CLIC1: variants seen among roughly 807,000 people sequenced by gnomAD.
CLIC1 encodes CLIC family member 1, also known as chloride intracellular channel protein 1.
Under a neutral mutation model 26.4 loss-of-function variants are expected in CLIC1, and 16 were observed. The observed-to-expected ratio is 0.61, with a 90% confidence interval of 0.41 to 0.92. CLIC1 has a LOEUF of 0.92. Ranked by LOEUF, CLIC1 falls within the 40% of genes least tolerant of loss-of-function variation. The pLI is 0.00. For synonymous variants in CLIC1, 98 were observed against 120.8 expected, an observed-to-expected ratio of 0.81 and a Z score of 1.24; for missense variants, 225 against 289.7, an observed-to-expected ratio of 0.78 and a Z score of 1.62.
rs1314590008 is a variant in CLIC1, at chr6:31,731,122, C to G, written c.565-119G>C. The G allele has an allele frequency of 6.6e-6, 5 of 752,214 alleles. No homozygotes were observed. The East Asian group carries it at 1.5e-4, about 22-fold the overall frequency. 46.6% of individuals were successfully genotyped at this position (752,214 alleles called of 1,614,324 possible). ...TCAACTCCTCACTGTCTTGTACTGT[C>G]GTTAGCCTTCCTTCTCACTTACTGA... is the stretch of plus-strand genomic sequence containing the variant. On this transcript the variant is annotated intron_variant, in intron 5 of 5. Transcript: ENST00000375784.
chr6:31,736,878 A>G (rs762071740), upstream of CLIC1: 43 of 985,568 alleles, frequency 4.4e-5, no homozygotes, highest in Non-Finnish European at 5.2e-5. The surrounding 1 kb of genome is among the most constrained non-coding windows in gnomAD (Gnocchi z 5.0). Context: ...TTTCTTCCAG[A>G]CTCCAATCCA....
chr6:31,736,284 G>T lies in CLIC1; in HGVS notation c.17C>A (p.Pro6Gln). The T allele has an allele frequency of 3.1e-6, 5 of 1,612,516 alleles. No homozygotes were observed. The highest frequency in any genetic ancestry group is 4.2e-6 in the Non-Finnish European group (5 of 1,179,798). Residue 6 changes from proline to glutamine, a missense_variant, in exon 1 of 6, where the codon CCG (proline) becomes CAG (glutamine). By Grantham distance (76) the Pro-to-Gln change is moderately conservative. Coordinates refer to ENST00000375784, the Ensembl canonical transcript of CLIC1. This position sits in a 1 kb window ranked among gnomAD's most constrained non-coding sequence, Gnocchi z 5.0. ...TACCTTCACGAACAATTCGACCTGCGGTTGTTCTTCAGCCATGGTTGCGTC... is the reference window on the plus strand; with the variant it reads ...TACCTTCACGAACAATTCGACCTGCTGTTGTTCTTCAGCCATGGTTGCGTC...
intron 5 of CLIC1, 49 bp from the exon 6 acceptor site, chr6:31,731,052 C>T: frequency 6.4e-7 from 1 of 1,573,338 alleles, no homozygotes; most frequent in Non-Finnish European, 8.7e-7. Flanking sequence ...CCAGGGAAGC[C>T]ACCTTGGCTT....
Position 31,732,301 on chromosome 6 carries a change from T to C in CLIC1, c.480A>G (p.Glu160=). ...CCAAAAACTTCCTCTGAGAGACACC[T>C]TCATCTTCAGCACTGGTTTCATCCA... Residue 160 remains glutamate, a synonymous_variant, in exon 5 of 6, where the codon GAA becomes GAG. Transcript: ENST00000375784. The surrounding 1 kb of genome is among the most constrained non-coding windows in gnomAD (Gnocchi z 5.0). The C allele has an allele frequency of 6.3e-7, 1 of 1,598,820 alleles. No individual in the cohort carries two copies. The highest frequency in any genetic ancestry group is 1.1e-5 in the South Asian group (1 of 87,988).
At chr6:31,731,079 C>T (rs1807900269) in intron 5 of CLIC1, 76 bp from the exon 6 acceptor site, 1 of 1,352,080 alleles carries the variant, frequency 7.4e-7, no homozygotes, top group Non-Finnish European at 1.0e-6. Context: ...CTCCCCAGGC[C>T]GACATGATAA....
At position 31,733,927 on chromosome 6, in the gene CLIC1, C is replaced by G; in HGVS notation, c.184G>C (p.Gly62Arg). Reference sequence around the variant, plus strand: ...CCATACAGCAGGAATGGGAGCTGCCCCCCTGGGCACAGCTTCTGCACTGTC... The same window carrying G: ...CCATACAGCAGGAATGGGAGCTGCCGCCCTGGGCACAGCTTCTGCACTGTC... Residue 62 changes from glycine to arginine, a missense_variant, in exon 3 of 6, where the codon GGG (glycine) becomes CGG (arginine). By Grantham distance (125) the Gly-to-Arg change is moderately radical. Transcript: ENST00000375784. This position sits in a 1 kb window ranked among gnomAD's most constrained non-coding sequence, Gnocchi z 5.4. The G allele has an allele frequency of 6.2e-7, 1 of 1,613,920 alleles. No homozygotes were observed. Among genetic ancestry groups the G allele is most frequent in the Non-Finnish European group, 8.5e-7 (1 of 1,179,988 alleles).
intron 1 of CLIC1, among the ~76,000 whole-genome samples, chr6:31,735,278 G>A (rs746548915): frequency 3.3e-5 from 5 of 151,784 alleles, no homozygotes; most frequent in East Asian, 1.9e-4. Flanking sequence ...AGACACAAAC[G>A]GAGCGGGGAG....
Position 31,730,760 on chromosome 6 carries a change from T to G in CLIC1, c.*82A>C. The G allele has an allele frequency of 1.4e-6, 2 of 1,450,612 alleles. No homozygotes were observed. Among genetic ancestry groups the G allele is most frequent in the East Asian group, 2.3e-5 (1 of 43,478 alleles). 89.9% of individuals were successfully genotyped at this position (1,450,612 alleles called of 1,614,324 possible). A position where few individuals can be genotyped will look rare whatever the true frequency, so the allele number is the denominator to read the frequency against. The stretch of plus-strand genomic sequence containing the variant: ...TCCCTGCCCACTGGCCATTTTGGAG[T>G]GTGTCCATTGGGTAGCAATGTGGAA... On this transcript the variant is annotated 3_prime_UTR_variant, in exon 6 of 6. Transcript: ENST00000375784. The surrounding 1 kb of genome is among the most constrained non-coding windows in gnomAD (Gnocchi z 5.1).
rs1481008792 is a variant in CLIC1 at position 31,734,639 on chromosome 6, G to C, written c.40-376C>G. 1.3e-5 allele frequency among the ~76,000 whole-genome samples: 2 copies of C among 152,202 alleles called. No homozygotes were observed. The highest frequency in any genetic ancestry group is 4.8e-5 in the African/African-American group (2 of 41,448). On this transcript the variant is annotated intron_variant, in intron 1 of 5. Coordinates refer to ENST00000375784, the Ensembl canonical transcript of CLIC1. The surrounding 1 kb of genome is among the most constrained non-coding windows in gnomAD (Gnocchi z 5.3). ...TGAAGGGAGTAGAGTCTGAAGACAG[G>C]AGAGGTGGGTGGGGTTTGGGAGCCA... is the stretch of plus-strand genomic sequence containing the variant.
At position 31,734,192 on chromosome 6, in the gene CLIC1, C is replaced by T. The variant is rs1487228066; in HGVS notation, c.111G>A (p.Lys37=). 5 of 1,614,104 alleles carry T rather than the reference C, an allele frequency of 3.1e-6. No individual in the cohort carries two copies. Among genetic ancestry groups the T allele is most frequent in the Non-Finnish European group, 4.2e-6 (5 of 1,179,920 alleles). ...CGGTGGTAACATTGAAGGTGACTCC[C>T]TTGAGCCACAGTACCATGAACAGTC... is the stretch of plus-strand genomic sequence containing the variant. The change falls in exon 2 of 6, where the codon AAG becomes AAA. Residue 37 remains lysine, a synonymous_variant. Transcript: ENST00000375784. The surrounding 1 kb of genome is among the most constrained non-coding windows in gnomAD (Gnocchi z 5.3).
In CLIC1 at chr6:31,730,984, C is replaced by G; in HGVS notation, c.584G>C (p.Arg195Pro). ...GAAGGCCTCGGGGATGGTGAATCCCCGGTACTTCTTACACACCACCTGAGG... is the reference window on the plus strand; with the variant it reads ...GAAGGCCTCGGGGATGGTGAATCCCGGGTACTTCTTACACACCACCTGAGG... The change falls in exon 6 of 6, where the codon CGG (arginine) becomes CCG (proline). Residue 195 changes from arginine (R) to proline (P), a missense_variant. Physicochemically the swap from Arg to Pro is moderately radical, Grantham distance 103. Coordinates refer to ENST00000375784, the Ensembl canonical transcript of CLIC1. The surrounding 1 kb of genome is among the most constrained non-coding windows in gnomAD (Gnocchi z 5.1). The G allele has an allele frequency of 6.2e-7, 1 of 1,612,812 alleles. No individual in the cohort carries two copies. Among genetic ancestry groups the G allele is most frequent in the Non-Finnish European group, 8.5e-7 (1 of 1,179,948 alleles).
At chr6:31,731,684 A>G (rs1004377779) in intron 5 of CLIC1, among the ~76,000 whole-genome samples, 2 of 152,242 alleles carry the variant, frequency 1.3e-5, no homozygotes, top group Non-Finnish European at 2.9e-5. Context: ...AGCAAGGCCC[A>G]GTCACCATAC....
upstream of CLIC1, chr6:31,736,684 C>G (rs1583873545): frequency 9.3e-7 from 1 of 1,071,656 alleles, no homozygotes; most frequent in East Asian, 6.0e-5. The surrounding 1 kb of genome is among the most constrained non-coding windows in gnomAD (Gnocchi z 5.0). Context: ...CTGAAAACCT[C>G]CTTGTTTCTC....
chr6:31,735,008 C>A (rs551926398), intron 1 of CLIC1, among the ~76,000 whole-genome samples: 2 of 152,052 alleles, frequency 1.3e-5, no homozygotes, highest in African/African-American at 4.8e-5. Flanking sequence ...GGAATCTCTG[C>A]GGCACAGCCT....
In CLIC1 at chr6:31,736,549, C is replaced by T; in HGVS notation, c.-249G>A. The T allele has an allele frequency of 7.4e-7, 1 of 1,352,248 alleles. No homozygotes were observed. Among genetic ancestry groups the T allele is most frequent in the South Asian group, 1.9e-5 (1 of 53,826 alleles). 83.8% of individuals were successfully genotyped at this position (1,352,248 alleles called of 1,614,324 possible). On this transcript the variant is annotated 5_prime_UTR_variant, in exon 1 of 6. Coordinates refer to ENST00000375784, the Ensembl canonical transcript of CLIC1. The surrounding 1 kb of genome is among the most constrained non-coding windows in gnomAD (Gnocchi z 5.0). Reference sequence around the variant, plus strand: ...ATCAGAGAGCCGCTGACTCACCGACCGGCCCCGCCCTGAACCTGGGGAGGG... The same window carrying T: ...ATCAGAGAGCCGCTGACTCACCGACTGGCCCCGCCCTGAACCTGGGGAGGG...
At chr6:31,731,597 C>G (rs899852674) in intron 5 of CLIC1, among the ~76,000 whole-genome samples, 7 of 152,250 alleles carry the variant, frequency 4.6e-5, no homozygotes, top group African/African-American at 1.7e-4. Context: ...CCACCACGCC[C>G]GGCCCATCTG....
At chr6:31,731,504 G>A (rs1316370719) in intron 5 of CLIC1, among the ~76,000 whole-genome samples, 1 of 152,204 alleles carries the variant, frequency 6.6e-6, no homozygotes, top group East Asian at 1.9e-4. Context: ...GTTTCACCAT[G>A]TTGGCCAGGC....
At chr6:31,731,509 C>A (rs1385533461) in intron 5 of CLIC1, among the ~76,000 whole-genome samples, 2 of 152,214 alleles carry the variant, frequency 1.3e-5, no homozygotes, top group East Asian at 3.8e-4. Context: ...ACCATGTTGG[C>A]CAGGCTGGTC....
In CLIC1 at chr6:31,736,322, G is replaced by A. The variant is rs1186554850; in HGVS notation, c.-22C>T. 3 of 1,612,860 alleles carry A rather than the reference G, an allele frequency of 1.9e-6. No individual in the cohort carries two copies. The highest frequency in any genetic ancestry group is 2.2e-5 in the East Asian group (1 of 44,870). On this transcript the variant is annotated 5_prime_UTR_variant, in exon 1 of 6. Coordinates refer to ENST00000375784, the Ensembl canonical transcript of CLIC1. The surrounding 1 kb of genome is among the most constrained non-coding windows in gnomAD (Gnocchi z 5.0). ...CCATGGTTGCGTCGGGGACCAGGAA[G>A]TGGCCGTCCCTGGGGGAACTGGGAG...
Sources: allele counts gnomAD v4.1 joint callset (sites outside exome capture counted in the v4.1 genomes callset), GRCh38; gene constraint gnomAD v4.1.1; non-coding constraint Gnocchi (gnomAD v3.1); transcripts MANE v1.5; gene names NCBI Gene and HGNC (gene_info 2026-07-23, HGNC 2026-07-21).